The following ASIC2 variants were observed in gnomAD, a reference collection of about 807,000 sequenced individuals.
ASIC2 encodes acid-sensing ion channel 2.
ASIC2 carries 25 observed loss-of-function variants against 57.3 expected under a neutral mutation model. The observed-to-expected ratio is 0.44, with a 90% CI of 0.32 to 0.61. ASIC2 has a LOEUF of 0.61. Ranked by LOEUF, ASIC2 falls within the 20% of genes least tolerant of loss-of-function variation. The probability of loss-of-function intolerance (pLI) is 0.06; values close to 1 mark genes in which losing one functional copy is unlikely to be tolerated. For synonymous variants in ASIC2, 319 were observed against 307.5 expected (o/e 1.04, Z -0.39); for missense variants, 641 against 738.1 (o/e 0.87, Z 1.52).
At chr17:33,733,320 G>A (rs758189721) in intron 1 of ASIC2, among the ~76,000 whole-genome samples, 3 of 152,172 alleles carry the variant, frequency 2.0e-5, no homozygotes, top group Non-Finnish European at 4.4e-5. Context: ...GTTCCTAATG[G>A]TATCTGGTGA....
intron 3 of ASIC2, among the ~76,000 whole-genome samples, chr17:33,066,749 A>C (rs1002438335): frequency 6.6e-6 from 1 of 152,200 alleles, no homozygotes; most frequent in African/African-American, 2.4e-5. Flanking sequence ...TATACCTGGA[A>C]ACCACGGCTT....
intron 1 of ASIC2, among the ~76,000 whole-genome samples, chr17:33,942,253 C>T (rs1425879527): frequency 1.3e-5 from 2 of 152,228 alleles, no homozygotes; most frequent in East Asian, 3.9e-4. Context: ...TAGGTGGGTT[C>T]CTGCAGCAGC....
At chr17:33,430,138 C>T (rs1911357154) in intron 1 of ASIC2, among the ~76,000 whole-genome samples, 1 of 152,214 alleles carries the variant, frequency 6.6e-6, no homozygotes, top group South Asian at 2.1e-4. Flanking sequence ...AACCCTGGCT[C>T]CTCGCTGGTC....
In ASIC2 at chr17:34,145,585, T is replaced by G. The variant is rs560006863; in HGVS notation, c.555+10393A>C. ...TCCTTCTAGTCTGCCGATATCCACT[T>G]ATCTAAACTTTTACCCACACATTGG... On this transcript the variant is annotated intron_variant, in intron 1 of 9. Coordinates refer to the ASIC2 transcript ENST00000359872. Among the ~76,000 whole-genome samples, 4 of 152,312 alleles carry G rather than the reference T, an allele frequency of 2.6e-5. No individual in the cohort carries two copies. The South Asian group carries it at 8.3e-4, about 32-fold the overall frequency.
At chr17:33,482,354 C>T (rs1011100433) in intron 1 of ASIC2, among the ~76,000 whole-genome samples, 5 of 152,170 alleles carry the variant, frequency 3.3e-5, no homozygotes, top group African/African-American at 9.7e-5. Flanking sequence ...GACCTTCTGC[C>T]ACTTTGCTCC....
chr17:33,973,442 G>A (rs1905278834), intron 1 of ASIC2, among the ~76,000 whole-genome samples: 1 of 152,208 alleles, frequency 6.6e-6, no homozygotes. Flanking sequence ...GCCAAACCAT[G>A]CTTCCTCCTG....
At chr17:33,593,050 A>G (rs1171529452) in intron 1 of ASIC2, among the ~76,000 whole-genome samples, 1 of 152,238 alleles carries the variant, frequency 6.6e-6, no homozygotes, top group Admixed American at 6.5e-5. Flanking sequence ...CCTGCAAAGT[A>G]GTTCACACAT....
intron 1 of ASIC2, among the ~76,000 whole-genome samples, chr17:33,404,084 G>T (rs1910380586): frequency 6.6e-6 from 1 of 152,180 alleles, no homozygotes; most frequent in South Asian, 2.1e-4. Flanking sequence ...GTGTTTAAAA[G>T]ACCTCAGCAG....
At chr17:33,020,960 C>T (rs1012150247) in intron 7 of ASIC2, among the ~76,000 whole-genome samples, 7 of 152,234 alleles carry the variant, frequency 4.6e-5, no homozygotes, top group Admixed American at 1.3e-4. Flanking sequence ...TTAGGCTGAC[C>T]GTCCTCATTG....
intron 1 of ASIC2, among the ~76,000 whole-genome samples, chr17:33,560,252 G>C (rs1305678738): frequency 6.6e-6 from 1 of 152,190 alleles, no homozygotes; most frequent in Non-Finnish European, 1.5e-5. Context: ...CCTAAAGGAA[G>C]AGAAAACAGA....
chr17:33,728,739 A>G (rs990421598), intron 1 of ASIC2, among the ~76,000 whole-genome samples: 2 of 152,150 alleles, frequency 1.3e-5, no homozygotes, highest in Non-Finnish European at 2.9e-5. Context: ...TATGGGAGGG[A>G]ATGAGTTGTC....
intron 3 of ASIC2, among the ~76,000 whole-genome samples, chr17:33,083,362 C>T (rs7217456): frequency 0.48 from 72,475 of 151,946 alleles, 17,867 homozygotes; most frequent in African/African-American, 0.61. Flanking sequence ...GACTGTTGTA[C>T]CCTTGGAAGT....
At chr17:33,165,792 G>C (rs1299727578) in intron 1 of ASIC2, among the ~76,000 whole-genome samples, 2 of 152,058 alleles carry the variant, frequency 1.3e-5, no homozygotes, top group Non-Finnish European at 2.9e-5. Flanking sequence ...TGGTAATGGA[G>C]GATTTGCCTT....
intron 1 of ASIC2, among the ~76,000 whole-genome samples, chr17:34,094,083 T>C (rs1265997542): frequency 6.6e-6 from 1 of 152,116 alleles, no homozygotes; most frequent in Non-Finnish European, 1.5e-5. Context: ...TAAAGGGCTC[T>C]TGAACAAACA....
rs942844153 is a variant in ASIC2, at chr17:33,397,369, C to A, written c.556-285302G>T. On this transcript the variant is annotated intron_variant, in intron 1 of 9. Coordinates refer to the ASIC2 transcript ENST00000359872. ...CATTTGTGAAGGTCCATTTCTTTGT[C>A]TGTCTTAGGATGTGAGCTCCTTTGG... Among the ~76,000 whole-genome samples, 8 of 152,316 alleles carry A rather than the reference C, an allele frequency of 5.3e-5. No homozygotes were observed. The South Asian group carries it at 8.3e-4, about 16-fold the overall frequency.
intron 1 of ASIC2, among the ~76,000 whole-genome samples, chr17:33,312,951 G>A (rs566959324): frequency 7.2e-5 from 11 of 152,272 alleles, no homozygotes; most frequent in South Asian, 4.1e-4. Flanking sequence ...GAGTCAGTGT[G>A]GAAGCAAAAA....
chr17:33,124,501 A>C (rs1476289845), intron 1 of ASIC2, among the ~76,000 whole-genome samples: 1 of 152,174 alleles, frequency 6.6e-6, no homozygotes, highest in African/African-American at 2.4e-5. Context: ...GGTCCTTTGG[A>C]GTTGGCAAGT....
intron 1 of ASIC2, among the ~76,000 whole-genome samples, chr17:33,404,987 C>A (rs1910416722): frequency 6.6e-6 from 1 of 151,900 alleles, no homozygotes; most frequent in Non-Finnish European, 1.5e-5. Flanking sequence ...CTACTGAACC[C>A]AGGTGGCTTA....
intron 2 of ASIC2, among the ~76,000 whole-genome samples, chr17:33,090,915 T>A (rs1007586941): frequency 6.6e-6 from 1 of 152,136 alleles, no homozygotes; most frequent in Non-Finnish European, 1.5e-5. Flanking sequence ...TTGGATATGG[T>A]TCATGGAGTG....
Sources: allele counts gnomAD v4.1 joint callset (sites outside exome capture counted in the v4.1 genomes callset), GRCh38; gene constraint gnomAD v4.1.1; transcripts MANE v1.5; gene names NCBI Gene and HGNC (gene_info 2026-07-23, HGNC 2026-07-21).